The following PAPPA variants were observed in gnomAD, a reference collection of about 807,000 sequenced individuals.
The protein encoded by PAPPA is pappalysin 1, also known as pappalysin-1.
A neutral mutation model predicts 164.0 loss-of-function variants in PAPPA; 60 were observed. The ratio of observed to expected loss-of-function variants is 0.37; its 90% confidence interval spans 0.30 to 0.45. The LOEUF is 0.45. Ranked by LOEUF, PAPPA falls within the 20% of genes least tolerant of loss-of-function variation. PAPPA has a pLI of 1.00. For synonymous variants in PAPPA, 875 were observed against 814.1 expected, an observed-to-expected ratio of 1.07 and a Z score of -1.27; for missense variants, 1,782 against 2,087.3, an observed-to-expected ratio of 0.85 and a Z score of 2.85.
intron 10 of PAPPA, among the ~76,000 whole-genome samples, chr9:116,312,833 C>A (rs1845737655): frequency 6.6e-6 from 1 of 152,042 alleles, no homozygotes; most frequent in South Asian, 2.1e-4. Flanking sequence ...CCTGTAATCC[C>A]AGCACTTTGG....
intron 9 of PAPPA, among the ~76,000 whole-genome samples, chr9:116,283,056 A>T (rs1299839860): frequency 5.3e-5 from 8 of 152,100 alleles, no homozygotes; most frequent in Non-Finnish European, 1.2e-4. Flanking sequence ...AGTGCCTGTC[A>T]CTCTGCCCTC....
At position 116,387,345 on chromosome 9, in the gene PAPPA, G is replaced by A. The variant is rs144060281; in HGVS notation, c.4776+4852G>A. 1.6e-3 allele frequency among the ~76,000 whole-genome samples: 245 copies of A among 152,234 alleles called. 2 individuals are homozygous for A. The highest frequency in any genetic ancestry group is 5.7e-4 in the Non-Finnish European group (39 of 68,000). On this transcript the variant is annotated intron_variant, in intron 21 of 21. Coordinates refer to ENST00000328252, the MANE Select transcript of PAPPA (RefSeq NM_002581.5). ...GAGTTATTGCTTTGCTTTACATGTC[G>A]TTTCATTTCATCAGCACAATAACCC...
At chr9:116,293,218 G>A (rs1845458702) in intron 9 of PAPPA, among the ~76,000 whole-genome samples, 2 of 152,200 alleles carry the variant, frequency 1.3e-5, no homozygotes, top group African/African-American at 2.4e-5. Flanking sequence ...TGGGATAGGA[G>A]AAATAGTATT....
intron 13 of PAPPA, among the ~76,000 whole-genome samples, chr9:116,342,669 A>G (rs1033813357): frequency 1.3e-5 from 2 of 152,160 alleles, no homozygotes. Context: ...AAACAAAAAC[A>G]ACGACAAAAA....
In PAPPA at chr9:116,226,370, G is replaced by C. The variant is rs180915017; in HGVS notation, c.2112-1061G>C. On this transcript the variant is annotated intron_variant, in intron 5 of 21. Coordinates refer to ENST00000328252, the MANE Select transcript of PAPPA (RefSeq NM_002581.5). ...GGTTCCTGACTGTGTGAGCCCAGAG[G>C]CATAGTGAACGTCCCTGTGAGGGGA... is the stretch of plus-strand genomic sequence containing the variant. Among the ~76,000 whole-genome samples the C allele has an allele frequency of 1.9e-3, 293 of 152,284 alleles. 2 individuals carry two copies. The highest frequency in any genetic ancestry group is 6.9e-3 in the African/African-American group (287 of 41,556).
intron 19 of PAPPA, among the ~76,000 whole-genome samples, chr9:116,374,120 A>C (rs1345201206): frequency 2.0e-5 from 3 of 150,768 alleles, no homozygotes; most frequent in Non-Finnish European, 4.4e-5. Context: ...TATGATGATG[A>C]TGATAAAAAG....
chr9:116,157,228 T>G (rs1843614379), intron 1 of PAPPA, among the ~76,000 whole-genome samples: 1 of 152,104 alleles, frequency 6.6e-6, no homozygotes, highest in African/African-American at 2.4e-5. Context: ...CGGGCTATGC[T>G]CCCAGATCCG....
intron 17 of PAPPA, among the ~76,000 whole-genome samples, chr9:116,358,945 A>G (rs1229609995): frequency 1.3e-5 from 2 of 152,314 alleles, no homozygotes; most frequent in Non-Finnish European, 2.9e-5. Flanking sequence ...AGAGCTCAGT[A>G]TGTGTTAGGC....
Position 116,235,129 on chromosome 9 carries a change from T to C in PAPPA, c.2234-10T>C. 6.2e-7 allele frequency: 1 copy of C among 1,614,120 alleles called. No individual in the cohort carries two copies. Among genetic ancestry groups the C allele is most frequent in the South Asian group, 1.1e-5 (1 of 91,080 alleles). On this transcript the variant is annotated splice_polypyrimidine_tract_variant and intron_variant, in intron 6 of 21. Transcript: ENST00000328252. ...CCCCAAGAACTCATTCCCTCATCTC[T>C]TCTGCATAGGTCATCCTGATGTTGA...
chr9:116,293,786 C>A (rs1845466581), intron 9 of PAPPA, among the ~76,000 whole-genome samples: 1 of 152,038 alleles, frequency 6.6e-6, no homozygotes, highest in African/African-American at 2.4e-5. Flanking sequence ...GAAACCCCGT[C>A]TCTATTCAAA....
intron 13 of PAPPA, 68 bp downstream of exon 13, chr9:116,335,142 C>A: frequency 1.5e-6 from 2 of 1,301,368 alleles, no homozygotes; most frequent in Non-Finnish European, 2.2e-6. Flanking sequence ...GATTTTGAAG[C>A]TGGGTAGCCA....
chr9:116,302,956 A>T lies in PAPPA; in HGVS notation c.3147+6A>T. 1 of 1,611,666 alleles carries T rather than the reference A, an allele frequency of 6.2e-7. No individual in the cohort carries two copies. Reference sequence around the variant, plus strand: ...GACAGCCAGCAGCATCCCAGGTAAGATCCTAACCATGTGTGGCATTTCCTG... The same window carrying T: ...GACAGCCAGCAGCATCCCAGGTAAGTTCCTAACCATGTGTGGCATTTCCTG... On this transcript the variant is annotated splice_donor_region_variant and intron_variant, in intron 10 of 21. Coordinates refer to ENST00000328252, the MANE Select transcript of PAPPA (RefSeq NM_002581.5).
At chr9:116,217,870 A>C (rs754066214) in intron 4 of PAPPA, among the ~76,000 whole-genome samples, 2 of 152,266 alleles carry the variant, frequency 1.3e-5, no homozygotes, top group African/African-American at 2.4e-5. Context: ...TGTGTGCACT[A>C]ATCTAGTCAC....
At chr9:116,334,653 G>A (rs1846036809) in intron 12 of PAPPA, among the ~76,000 whole-genome samples, 2 of 151,914 alleles carry the variant, frequency 1.3e-5, no homozygotes, top group Admixed American at 6.6e-5. Flanking sequence ...GGGCAGGGAG[G>A]CAGGGGGATT....
Position 116,377,587 on chromosome 9 carries a change from C to T in PAPPA, c.4617C>T (p.Cys1539=). 6.2e-7 allele frequency: 1 copy of T among 1,613,314 alleles called. No individual in the cohort carries two copies. Among genetic ancestry groups the T allele is most frequent in the African/African-American group, 1.3e-5 (1 of 75,008 alleles). Residue 1539 remains cysteine (C), a synonymous_variant, in exon 20 of 22, where the codon TGC becomes TGT. Coordinates refer to ENST00000328252, the MANE Select transcript of PAPPA (RefSeq NM_002581.5). ...CCCTCTTCCCACAGAGAGTTGTCTG[C>T]ACTGCTGGTCTCAAGTGGTATCCTC... The part of the protein sequence containing the change: ...LNPTRVERVV[C]TAGLKWYPHP...
intron 1 of PAPPA, among the ~76,000 whole-genome samples, chr9:116,160,511 T>C (rs546663657): frequency 6.6e-6 from 1 of 152,344 alleles, no homozygotes; most frequent in South Asian, 2.1e-4. Flanking sequence ...TGTGTGTTCC[T>C]ATTACTTCAA....
At chr9:116,358,752 C>T (rs1846385092) in intron 17 of PAPPA, among the ~76,000 whole-genome samples, 1 of 152,188 alleles carries the variant, frequency 6.6e-6, no homozygotes, top group Admixed American at 6.5e-5. Context: ...CTTCATCCCA[C>T]TGGGGTACAA....
chr9:116,281,192 T>C (rs1486874702), intron 9 of PAPPA, among the ~76,000 whole-genome samples: 1 of 152,158 alleles, frequency 6.6e-6, no homozygotes, highest in Non-Finnish European at 1.5e-5. Context: ...CTTGAATATC[T>C]TCAGATTTTT....
At chr9:116,355,796 G>A (rs886508537) in intron 17 of PAPPA, among the ~76,000 whole-genome samples, 1 of 152,154 alleles carries the variant, frequency 6.6e-6, no homozygotes, top group African/African-American at 2.4e-5. Flanking sequence ...GGCAACTAAC[G>A]GAGAGGCTAG....
Sources: allele counts gnomAD v4.1 joint callset (sites outside exome capture counted in the v4.1 genomes callset), GRCh38; gene constraint gnomAD v4.1.1; transcripts MANE v1.5; gene names NCBI Gene and HGNC (gene_info 2026-07-23, HGNC 2026-07-21).